The following PHF3 variants were observed in gnomAD, a reference collection of about 807,000 sequenced individuals.
PHF3 encodes PHD finger protein 3.
A neutral mutation model predicts 178.4 loss-of-function variants in PHF3; 41 were observed. That is an observed-to-expected ratio of 0.23 (90% CI 0.18 to 0.30). PHF3 has a LOEUF of 0.30. Among genes scored for constraint, PHF3 ranks in the 10% least tolerant of loss-of-function variants. The probability of loss-of-function intolerance (pLI) is 1.00; values close to 1 mark genes in which losing one functional copy is unlikely to be tolerated. For missense variants in PHF3, 2,346 were observed against 2,398.1 expected, an observed-to-expected ratio of 0.98 and a Z score of 0.45; for synonymous variants, 842 against 800.5, an observed-to-expected ratio of 1.05 and a Z score of -0.88.
intron 2 of PHF3, among the ~76,000 whole-genome samples, chr6:63,656,813 C>T (rs958324): frequency 0.079 from 11,952 of 152,104 alleles, 545 homozygotes; most frequent in East Asian, 0.17. Flanking sequence ...ATCACTTTTC[C>T]TTCAAATTTT....
chr6:63,649,079 CTTATTTATTTATTTAT>C (rs10645572), intron 2 of PHF3, among the ~76,000 whole-genome samples: 25 of 148,620 alleles, frequency 1.7e-4, no homozygotes, highest in African/African-American at 5.4e-4. Flanking sequence ...AAAAAGAAAT[CTTATTTATTTATTTAT>C]TTATTTATTT....
chr6:63,717,191 C>G lies in PHF3; in HGVS notation c.*3483C>G, dbSNP rs1457308791. On this transcript the variant is annotated 3_prime_UTR_variant, in exon 16 of 16. Transcript: ENST00000262043. ...TGTTAACGTGTGTGTTAACATAAAA[C>G]TACCCGTCAACAGGTAACTTTACTC... Among the ~76,000 whole-genome samples, 2 of 152,040 alleles carry G rather than the reference C, an allele frequency of 1.3e-5. No individual in the cohort carries two copies. The highest frequency in any genetic ancestry group is 2.9e-5 in the Non-Finnish European group (2 of 67,976).
chr6:63,720,768 C>T lies in PHF3; in HGVS notation c.*7060C>T, dbSNP rs913465684. 8 of 1,550,518 alleles carry T rather than the reference C, an allele frequency of 5.2e-6. No homozygotes were observed. The Admixed American group carries it at 9.8e-5, about 19-fold the overall frequency. On this transcript the variant is annotated 3_prime_UTR_variant, in exon 16 of 16. Coordinates refer to ENST00000262043, the MANE Select transcript of PHF3 (RefSeq NM_001370348.2). ...TACCTTTCTACCATATTCAAAGCCC[C>T]CTAGATAACAAATGCCATCATAGTT...
intron 4 of PHF3, chr6:63,686,123 G>T: frequency 2.0e-6 from 1 of 507,272 alleles, no homozygotes; most frequent in South Asian, 3.4e-5. Flanking sequence ...AAAAAGCATA[G>T]TCTGGCCAAC....
At chr6:63,640,267 T>C (rs1354911141) in intron 1 of PHF3, among the ~76,000 whole-genome samples, 1 of 152,222 alleles carries the variant, frequency 6.6e-6, no homozygotes, top group Non-Finnish European at 1.5e-5. Flanking sequence ...AATTTTTGAC[T>C]CTGTCCTCGA....
At position 63,688,111 on chromosome 6, in the gene PHF3, G is replaced by A. The variant is rs536046366; in HGVS notation, c.2189+2200G>A. Among the ~76,000 whole-genome samples, 9 of 148,608 alleles carry A rather than the reference G, an allele frequency of 6.1e-5. No homozygotes were observed. In the East Asian group the frequency reaches 1.2e-3, roughly 20 times the overall value. On this transcript the variant is annotated intron_variant, in intron 4 of 15. Coordinates refer to ENST00000262043, the MANE Select transcript of PHF3 (RefSeq NM_001370348.2). Reference sequence around the variant, plus strand: ...AGGCAGGGGAATGGCGCGTGAACCCGGGAGGCGGAGCTTGCAGTGAGCCGA... The same window carrying A: ...AGGCAGGGGAATGGCGCGTGAACCCAGGAGGCGGAGCTTGCAGTGAGCCGA...
intron 11 of PHF3, among the ~76,000 whole-genome samples, chr6:63,704,515 A>C (rs1275152907): frequency 6.6e-6 from 1 of 150,732 alleles, no homozygotes; most frequent in Non-Finnish European, 1.5e-5. Context: ...TAACATTTTC[A>C]GATTGGCTAC....
Position 63,685,502 on chromosome 6 carries a change from C to T in PHF3, c.1780C>T (p.His594Tyr), listed in dbSNP as rs759410942. 1.1e-5 allele frequency: 17 copies of T among 1,614,052 alleles called. No individual in the cohort carries two copies. In the East Asian group the frequency reaches 3.6e-4, roughly 34 times the overall value. Reference protein sequence around the residue: ...TLVQIFKPLTHSLSDKSHAHP... With the variant: ...TLVQIFKPLTYSLSDKSHAHP... ...AGTACAAATTTTCAAGCCCTTAACT[C>T]ATTCTTTGAGTGATAAGTCACACGC... Residue 594 changes from histidine to tyrosine, a missense_variant, in exon 4 of 16, where the codon CAT becomes TAT. Physicochemically the swap from His to Tyr is moderately conservative, Grantham distance 83 (BLOSUM62 2). Transcript: ENST00000262043.
At chr6:63,688,686 A>G (rs1766860007) in intron 4 of PHF3, among the ~76,000 whole-genome samples, 1 of 152,068 alleles carries the variant, frequency 6.6e-6, no homozygotes, top group Non-Finnish European at 1.5e-5. Context: ...TGATTCTACT[A>G]CTTTGATACA....
chr6:63,660,593 A>C (rs1222834061), intron 2 of PHF3, among the ~76,000 whole-genome samples: 1 of 152,024 alleles, frequency 6.6e-6, no homozygotes, highest in Non-Finnish European at 1.5e-5. Context: ...TTTTCTTCTT[A>C]TTTTCCCAGG....
chr6:63,687,913 A>G (rs1210792868), intron 4 of PHF3, among the ~76,000 whole-genome samples: 2 of 152,152 alleles, frequency 1.3e-5, no homozygotes, highest in African/African-American at 4.8e-5. Flanking sequence ...TCTGTAATTG[A>G]TGTGAATAAT....
intron 2 of PHF3, among the ~76,000 whole-genome samples, chr6:63,663,171 G>A (rs1216284844): frequency 1.3e-5 from 2 of 152,012 alleles, no homozygotes; most frequent in East Asian, 3.8e-4. Context: ...AAATCTCTAA[G>A]GTCTTTGCTA....
intron 8 of PHF3, among the ~76,000 whole-genome samples, chr6:63,700,014 T>A (rs1767403739): frequency 6.6e-6 from 1 of 152,176 alleles, no homozygotes; most frequent in Non-Finnish European, 1.5e-5. Flanking sequence ...TGAGTAAAGC[T>A]CTTTGATGCA....
At position 63,684,883 on chromosome 6, in the gene PHF3, T is replaced by A. The variant is rs1766609399; in HGVS notation, c.1161T>A (p.Thr387=). 6.2e-7 allele frequency: 1 copy of A among 1,614,066 alleles called. No homozygotes were observed. The highest frequency in any genetic ancestry group is 8.5e-7 in the Non-Finnish European group (1 of 1,179,950). The change falls in exon 4 of 16, where the codon ACT becomes ACA. Residue 387 remains threonine (T), a synonymous_variant. Transcript: ENST00000262043. ...ATACCATGGGTATTGCTGATAAAAC[T>A]GAGAACACCCTTGAAAGAAATAAAA... The part of the protein sequence containing the change: ...LKDTMGIADK[T]ENTLERNKIE...
chr6:63,671,990 G>T (rs1306883336), intron 2 of PHF3, among the ~76,000 whole-genome samples: 1 of 151,972 alleles, frequency 6.6e-6, no homozygotes, highest in South Asian at 2.1e-4. Flanking sequence ...CATGATCTGC[G>T]TGCCACCACG....
intron 1 of PHF3, among the ~76,000 whole-genome samples, chr6:63,639,691 C>G (rs560540441): frequency 9.9e-5 from 15 of 152,024 alleles, no homozygotes; most frequent in Non-Finnish European, 1.9e-4. Flanking sequence ...TCAGTTTGCT[C>G]TAAAGAGAAA....
intron 1 of PHF3, among the ~76,000 whole-genome samples, chr6:63,645,637 C>A (rs916145629): frequency 3.9e-5 from 6 of 152,142 alleles, no homozygotes; most frequent in African/African-American, 1.4e-4. Flanking sequence ...TTTCGGTTGA[C>A]TTTCCACCCC....
In PHF3 at chr6:63,685,526, G is replaced by A. The variant is rs200059706; in HGVS notation, c.1804G>A (p.Ala602Thr). ...LTHSLSDKSH[A>T]HPGCLKEPHH... ...TCATTCTTTGAGTGATAAGTCACAC[G>A]CTCATCCTGGTTGCTTGAAAGAACC... The change falls in exon 4 of 16, where the codon GCT (alanine) becomes ACT (threonine). Residue 602 changes from alanine (A) to threonine (T), a missense_variant. Physicochemically the swap from Ala to Thr is moderately conservative, Grantham distance 58. Coordinates refer to ENST00000262043, the MANE Select transcript of PHF3 (RefSeq NM_001370348.2). 384 of 1,613,958 alleles carry A rather than the reference G, an allele frequency of 2.4e-4. 1 individual carries two copies. The highest frequency in any genetic ancestry group is 3.0e-4 in the Non-Finnish European group (351 of 1,179,952).
At chr6:63,679,179 A>C (rs1240991717) in intron 2 of PHF3, among the ~76,000 whole-genome samples, 1 of 151,560 alleles carries the variant, frequency 6.6e-6, no homozygotes, top group Non-Finnish European at 1.5e-5. Flanking sequence ...TTTTGGCAAG[A>C]TTTCATACAA....
Sources: allele counts gnomAD v4.1 joint callset (sites outside exome capture counted in the v4.1 genomes callset), GRCh38; gene constraint gnomAD v4.1.1; transcripts MANE v1.5; gene names NCBI Gene and HGNC (gene_info 2026-07-23, HGNC 2026-07-21).